KLF9: variants seen among roughly 807,000 people sequenced by gnomAD.
The protein encoded by KLF9 is Krueppel-like factor 9.
KLF9 carries 2 observed loss-of-function variants against 17.3 expected under a neutral mutation model. The ratio of observed to expected loss-of-function variants is 0.12; its 90% CI spans 0.05 to 0.36. The LOEUF (loss-of-function observed/expected upper bound fraction) is 0.36. Among genes scored for constraint, KLF9 ranks in the 10% least tolerant of loss-of-function variants. KLF9 has a pLI of 1.00. For synonymous variants in KLF9, 138 were observed against 139.2 expected (o/e 0.99, Z 0.06); for missense variants, 226 against 333.2 (o/e 0.68, Z 2.51).
At chr9:70,411,973 G>T (rs991020680) in intron 1 of KLF9, among the ~76,000 whole-genome samples, 3 of 152,056 alleles carry the variant, frequency 2.0e-5, no homozygotes, top group Admixed American at 6.5e-5. Context: ...CAGGTCCCTG[G>T]AAGTCTCCAA....
At chr9:70,407,575 T>C (rs1433287066) in intron 1 of KLF9, among the ~76,000 whole-genome samples, 3 of 152,238 alleles carry the variant, frequency 2.0e-5, no homozygotes, top group Non-Finnish European at 2.9e-5. Flanking sequence ...GCCCCCCGAC[T>C]GTCTTTGCTA....
intron 1 of KLF9, among the ~76,000 whole-genome samples, chr9:70,389,012 G>A (rs965753800): frequency 3.3e-5 from 5 of 152,002 alleles, no homozygotes; most frequent in Non-Finnish European, 7.4e-5. Flanking sequence ...GTGGTGGCGT[G>A]CGCCTGTAGT....
chr9:70,388,319 GA>G, intron 1 of KLF9, among the ~76,000 whole-genome samples: 1 of 152,290 alleles, frequency 6.6e-6, no homozygotes, highest in East Asian at 1.9e-4. Context: ...AAGACCTTGG[GA>G]AGACAGGGAT....
chr9:70,411,029 G>A (rs1379629772), intron 1 of KLF9, among the ~76,000 whole-genome samples: 1 of 152,208 alleles, frequency 6.6e-6, no homozygotes, highest in Admixed American at 6.5e-5. Flanking sequence ...TGGGAAAAAG[G>A]TTCTCCTGAA....
intron 1 of KLF9, among the ~76,000 whole-genome samples, chr9:70,395,632 A>G (rs1199841849): frequency 2.0e-5 from 3 of 152,224 alleles, no homozygotes; most frequent in African/African-American, 7.2e-5. Context: ...GCAAGGATGC[A>G]AATAAATAAT....
chr9:70,396,147 C>G (rs1208698691), intron 1 of KLF9, among the ~76,000 whole-genome samples: 1 of 152,158 alleles, frequency 6.6e-6, no homozygotes, highest in Non-Finnish European at 1.5e-5. Context: ...AACAGGCCCT[C>G]TACCACACTG....
intron 1 of KLF9, among the ~76,000 whole-genome samples, chr9:70,404,753 G>A (rs2037245339): frequency 6.6e-6 from 1 of 152,144 alleles, no homozygotes; most frequent in African/African-American, 2.4e-5. Context: ...TGTGCTAAAT[G>A]ATTTAAACAC....
At chr9:70,412,737 G>A (rs796539364) in intron 1 of KLF9, 122 bp downstream of exon 1, 140 of 901,514 alleles carry the variant, frequency 1.6e-4, no homozygotes, top group East Asian at 2.5e-5. Context: ...GAGTTAAACC[G>A]CATCTTATCC....
intron 1 of KLF9, among the ~76,000 whole-genome samples, chr9:70,388,746 C>A (rs2037132058): frequency 6.6e-6 from 1 of 152,196 alleles, no homozygotes; most frequent in South Asian, 2.1e-4. Flanking sequence ...GGCCACTCAG[C>A]ATCTGGTTGT....
chr9:70,412,006 G>A (rs978868740), intron 1 of KLF9, among the ~76,000 whole-genome samples: 3 of 152,024 alleles, frequency 2.0e-5, no homozygotes, highest in African/African-American at 7.3e-5. Flanking sequence ...AAGGCAGATA[G>A]ATGTCTTTCT....
chr9:70,406,671 T>C (rs540408288), intron 1 of KLF9, among the ~76,000 whole-genome samples: 65 of 152,276 alleles, frequency 4.3e-4, no homozygotes, highest in Admixed American at 2.0e-3. Context: ...CGTCTTCCTT[T>C]TGCCCCTCCT....
intron 1 of KLF9, among the ~76,000 whole-genome samples, chr9:70,396,243 A>G: frequency 6.6e-6 from 1 of 152,240 alleles, no homozygotes. Context: ...AATTAGATAG[A>G]GACATGAAAA....
chr9:70,402,127 G>A (rs750581450), intron 1 of KLF9, among the ~76,000 whole-genome samples: 20 of 152,150 alleles, frequency 1.3e-4, no homozygotes, highest in Non-Finnish European at 2.2e-4. Context: ...GGAACCCCCC[G>A]CTTCAGTGGG....
chr9:70,392,243 A>G (rs116203940), intron 1 of KLF9, among the ~76,000 whole-genome samples: 33 of 152,366 alleles, frequency 2.2e-4, no homozygotes, highest in African/African-American at 6.7e-4. Flanking sequence ...GAATTTGTAA[A>G]TTCAAATGTC....
At chr9:70,407,272 C>T (rs1587742731) in intron 1 of KLF9, among the ~76,000 whole-genome samples, 1 of 152,280 alleles carries the variant, frequency 6.6e-6, no homozygotes, top group South Asian at 2.1e-4. Context: ...AAATCTGACC[C>T]TCATGTTCAG....
chr9:70,390,900 G>A (rs1006999295), intron 1 of KLF9, among the ~76,000 whole-genome samples: 1 of 152,086 alleles, frequency 6.6e-6, no homozygotes, highest in East Asian at 1.9e-4. Context: ...AAAACAAAAC[G>A]CCCTCTCTGC....
chr9:70,402,650 G>A (rs1412753555), intron 1 of KLF9, among the ~76,000 whole-genome samples: 1 of 152,088 alleles, frequency 6.6e-6, no homozygotes, highest in African/African-American at 2.4e-5. Context: ...TTGCCTAAGC[G>A]TATGTAATAC....
At chr9:70,393,561 C>A (rs1346447476) in intron 1 of KLF9, among the ~76,000 whole-genome samples, 1 of 152,108 alleles carries the variant, frequency 6.6e-6, no homozygotes, top group Non-Finnish European at 1.5e-5. Flanking sequence ...CTGCCCCACC[C>A]AAGTCCAGGG....
intron 1 of KLF9, among the ~76,000 whole-genome samples, chr9:70,409,257 TGG>T (rs2037293504): frequency 6.8e-6 from 1 of 146,278 alleles, no homozygotes; most frequent in East Asian, 2.0e-4. Context: ...TTCATAGAAC[TGG>T]GGTGTCATGG....
Sources: allele counts gnomAD v4.1 joint callset (sites outside exome capture counted in the v4.1 genomes callset), GRCh38; gene constraint gnomAD v4.1.1; transcripts MANE v1.5; gene names NCBI Gene and HGNC (gene_info 2026-07-23, HGNC 2026-07-21).